The following MYOM3 variants were observed in gnomAD, a reference collection of about 807,000 sequenced individuals.
MYOM3 encodes the protein myomesin 3.
Under a neutral mutation model 191.7 loss-of-function variants are expected in MYOM3, and 155 were observed. The ratio of observed to expected loss-of-function variants is 0.81; its 90% CI spans 0.71 to 0.92. The LOEUF (loss-of-function observed/expected upper bound fraction) is 0.92. MYOM3 is among the 40% of genes least tolerant of loss of function. MYOM3 has a pLI of 0.00. For missense variants in MYOM3, 1,889 were observed against 1,890.6 expected, an observed-to-expected ratio of 1.00 and a Z score of 0.02; for synonymous variants, 757 against 762.9, an observed-to-expected ratio of 0.99 and a Z score of 0.13.
chr1:24,098,144 C>A (rs768731331), intron 6 of MYOM3, 133 bp from the exon 7 acceptor site: 1 of 664,494 alleles, frequency 1.5e-6, no homozygotes, highest in Non-Finnish European at 2.7e-6. Flanking sequence ...TGGTCATTAT[C>A]TCTGAAAAGC....
chr1:24,064,881 A>G (rs184103398), intron 29 of MYOM3, among the ~76,000 whole-genome samples: 24 of 152,272 alleles, frequency 1.6e-4, no homozygotes, highest in Admixed American at 1.2e-3. Context: ...TCACCATCCC[A>G]GGAAGTCTCC....
intron 5 of MYOM3, 52 bp from the exon 6 acceptor site, chr1:24,099,827 G>T: frequency 7.5e-7 from 1 of 1,332,296 alleles, no homozygotes; most frequent in East Asian, 2.3e-5. Flanking sequence ...AGCGGGAGGG[G>T]TCTGGAGCCT....
In MYOM3 at chr1:24,063,520, G is replaced by A. The variant is rs752776059; in HGVS notation, c.3633C>T (p.Ala1211=). 1.9e-6 allele frequency: 3 copies of A among 1,614,178 alleles called. No homozygotes were observed. The highest frequency in any genetic ancestry group is 3.3e-5 in the Admixed American group (2 of 60,016). ...CAATCCTGCCCAACTCGGTGAAGAT[G>A]GCATCCAGGGCTGGCGGGAAACAGA... ...ILDLTGDALD[A]IFTELGRIGA... Residue 1211 remains alanine, a synonymous_variant, in exon 31 of 37, where the codon GCC becomes GCT. Transcript: ENST00000374434. This position sits in a 1 kb window ranked among gnomAD's most constrained non-coding sequence, Gnocchi z 4.5.
chr1:24,085,217 A>AATGG (rs765159380), intron 15 of MYOM3, among the ~76,000 whole-genome samples: 1 of 99,670 alleles, frequency 1.0e-5, no homozygotes, highest in South Asian at 3.3e-4. Context: ...TGGATGGATG[A>AATGG]ATGGATGGAT....
chr1:24,091,615 A>G (rs1643832436), intron 11 of MYOM3, among the ~76,000 whole-genome samples: 1 of 152,196 alleles, frequency 6.6e-6, no homozygotes, highest in Non-Finnish European at 1.5e-5. Flanking sequence ...TTCCCCATCT[A>G]TAGAAGAGGG....
rs369450542 is a variant in MYOM3, at chr1:24,067,028, G to A, written c.3416C>T (p.Thr1139Met). The A allele has an allele frequency of 5.5e-5, 87 of 1,571,256 alleles. No individual in the cohort carries two copies. The highest frequency in any genetic ancestry group is 1.7e-4 in the Middle Eastern group (1 of 6,032). ...GGGCAGGGCAGGACTTGCCTTGCAC[G>A]TCAGCTGCACTTGGCAGTCCTCCGT... is the stretch of plus-strand genomic sequence containing the variant. ...KVTEDCQVQL[T>M]CKVTNTKKET... Residue 1139 changes from threonine (T) to methionine (M), a missense_variant, in exon 28 of 37, where the codon ACG becomes ATG. By Grantham distance (81) the Thr-to-Met change is moderately conservative. Coordinates refer to ENST00000374434, the MANE Select transcript of MYOM3 (RefSeq NM_152372.4).
intron 22 of MYOM3, among the ~76,000 whole-genome samples, chr1:24,074,793 C>T (rs1643576021): frequency 6.6e-6 from 1 of 152,154 alleles, no homozygotes; most frequent in Non-Finnish European, 1.5e-5. Context: ...TCCAAAAGAA[C>T]AATGCCATTG....
At chr1:24,107,319 T>C (rs1643992937) in intron 3 of MYOM3, 87 bp from the exon 4 acceptor site, 1 of 1,232,744 alleles carries the variant, frequency 8.1e-7, no homozygotes, top group Non-Finnish European at 1.1e-6. Context: ...TGCCCAGCAG[T>C]GCCAGGATGC....
In MYOM3 at chr1:24,107,202, G is replaced by C. The variant is rs372721332; in HGVS notation, c.273C>G (p.Ala91=). The C allele has an allele frequency of 2.5e-6, 4 of 1,606,590 alleles. No individual in the cohort carries two copies. The highest frequency in any genetic ancestry group is 1.1e-5 in the South Asian group (1 of 89,398). ...TCTGCCCTCGCTCCTCCAGCTCCAC[G>C]GCAGAGGTCTGGCGTCTCAGCTGGG... ...WEAQLRRQTS[A]VELEERGQKR... The change falls in exon 4 of 37, where the codon GCC becomes GCG. Residue 91 remains alanine, a synonymous_variant. Coordinates refer to ENST00000374434, the MANE Select transcript of MYOM3 (RefSeq NM_152372.4).
chr1:24,068,403 T>C, intron 25 of MYOM3, 36 bp from the exon 26 acceptor site: 3 of 1,612,698 alleles, frequency 1.9e-6, no homozygotes, highest in South Asian at 2.2e-5. Context: ...TTTTCCCTGT[T>C]CTGGGAACTT....
intron 27 of MYOM3, among the ~76,000 whole-genome samples, chr1:24,067,317 TTTCTTTCC>T (rs1203716074): frequency 2.7e-5 from 3 of 109,280 alleles, no homozygotes; most frequent in South Asian, 3.6e-4. Flanking sequence ...TCTTTCTTTC[TTTCTTTCC>T]TTCTTTCTTT....
Position 24,084,213 on chromosome 1 carries a change from T to C in MYOM3, c.1970+255A>G, listed in dbSNP as rs1643707874. 3 of 444,710 alleles carry C rather than the reference T, an allele frequency of 6.7e-6. No homozygotes were observed. In the South Asian group the frequency reaches 7.1e-5, roughly 11 times the overall value. 27.5% of individuals were successfully genotyped at this position (444,710 alleles called of 1,614,324 possible). On this transcript the variant is annotated intron_variant, in intron 16 of 36. Coordinates refer to ENST00000374434, the MANE Select transcript of MYOM3 (RefSeq NM_152372.4). ...GGGAGCAAGTTCTCATGAGATCTGC[T>C]TGTTTGGAAGTGTGTAGCACTTCCT... is the stretch of plus-strand genomic sequence containing the variant.
At chr1:24,084,162 A>G in intron 16 of MYOM3, 1 of 324,730 alleles carries the variant, frequency 3.1e-6, no homozygotes, top group Non-Finnish European at 5.8e-6. Flanking sequence ...ATGGGGGCGG[A>G]TGTCCGCTTT....
chr1:24,064,108 C>T lies in MYOM3; in HGVS notation c.3586G>A (p.Gly1196Arg), dbSNP rs1352553590. ...AGGTCCAATATGGTGTCGTCCTCCC[C>T]TCGATCGTCAGAAACCATCGCTCTG... ...IYRAMVSDDR[G>R]EDDTILDLTG... Residue 1196 changes from glycine (G) to arginine (R), a missense_variant, in exon 30 of 37, where the codon GGG becomes AGG. Gly to Arg is a moderately radical substitution (Grantham distance 125, BLOSUM62 -2). Transcript: ENST00000374434. The T allele has an allele frequency of 1.2e-6, 2 of 1,613,980 alleles. No individual in the cohort carries two copies. Among genetic ancestry groups the T allele is most frequent in the Admixed American group, 3.3e-5 (2 of 59,994 alleles).
rs1334746866 is a variant in MYOM3, at chr1:24,064,019, A to T, written c.3622+53T>A. Reference sequence around the variant, plus strand: ...AATCTTACTGCACAGATCACATCACAGTCTGCTCCACTGTGCTCCCTCCAC... The same window carrying T: ...AATCTTACTGCACAGATCACATCACTGTCTGCTCCACTGTGCTCCCTCCAC... On this transcript the variant is annotated intron_variant, in intron 30 of 36. Coordinates refer to ENST00000374434, the MANE Select transcript of MYOM3 (RefSeq NM_152372.4). 5 of 1,300,098 alleles carry T rather than the reference A, an allele frequency of 3.8e-6. No homozygotes were observed. The East Asian group carries it at 6.9e-5, about 18-fold the overall frequency. The allele number at this position is 1,300,098 out of a possible 1,614,324, so 80.5% of individuals were successfully genotyped here. A position where few individuals can be genotyped will look rare whatever the true frequency, so the allele number is the denominator to read the frequency against.
At chr1:24,093,160 C>T (rs376005955) in intron 9 of MYOM3, 52 bp from the exon 10 acceptor site, 31 of 1,356,582 alleles carry the variant, frequency 2.3e-5, no homozygotes, top group Admixed American at 1.4e-4. Context: ...CCTGGTCTCA[C>T]CTGGGAACCA....
At chr1:24,093,870 C>G in intron 9 of MYOM3, among the ~76,000 whole-genome samples, 1 of 152,164 alleles carries the variant, frequency 6.6e-6, no homozygotes, top group East Asian at 1.9e-4. Flanking sequence ...CAGAGGGGCA[C>G]TGTACTCTGG....
At chr1:24,102,986 T>C (rs978251875) in intron 5 of MYOM3, among the ~76,000 whole-genome samples, 2 of 152,138 alleles carry the variant, frequency 1.3e-5, no homozygotes, top group African/African-American at 4.8e-5. Context: ...TGATTGATGA[T>C]GGAAAACCAG....
At chr1:24,108,682 C>A in intron 1 of MYOM3, 28 bp from the exon 2 acceptor site, 1 of 1,486,750 alleles carries the variant, frequency 6.7e-7, no homozygotes, top group African/African-American at 1.5e-5. Context: ...CACGGTCATT[C>A]CACCAGGTGC....
Sources: allele counts gnomAD v4.1 joint callset (sites outside exome capture counted in the v4.1 genomes callset), GRCh38; gene constraint gnomAD v4.1.1; non-coding constraint Gnocchi (gnomAD v3.1); transcripts MANE v1.5; gene names NCBI Gene and HGNC (gene_info 2026-07-23, HGNC 2026-07-21).